The following PGR variants were observed in gnomAD, a reference collection of about 807,000 sequenced individuals.
PGR encodes nuclear receptor subfamily 3 group C member 3.
A neutral mutation model predicts 76.1 loss-of-function variants in PGR; 25 were observed. The ratio of observed to expected loss-of-function variants is 0.33; its 90% CI spans 0.24 to 0.46. The LOEUF (loss-of-function observed/expected upper bound fraction) is 0.46. Among genes scored for constraint, PGR ranks in the 20% least tolerant of loss-of-function variants. PGR has a pLI of 1.00. For missense variants in PGR, 1,172 were observed against 1,225.3 expected (o/e 0.96, Z 0.65); for synonymous variants, 579 against 535.0 (o/e 1.08, Z -1.14).
chr11:101,066,850 A>T (rs968489051), intron 3 of PGR, among the ~76,000 whole-genome samples: 1 of 152,146 alleles, frequency 6.6e-6, no homozygotes, highest in Non-Finnish European at 1.5e-5. Context: ...CACTGCTTGC[A>T]CCATAATTTA....
chr11:101,108,812 C>T (rs1020009425), intron 2 of PGR, among the ~76,000 whole-genome samples: 3 of 152,164 alleles, frequency 2.0e-5, no homozygotes, highest in Non-Finnish European at 4.4e-5. Context: ...TATCTTATTG[C>T]GCTTTGCTTA....
At chr11:101,098,560 C>T (rs1189634880) in intron 2 of PGR, among the ~76,000 whole-genome samples, 1 of 152,028 alleles carries the variant, frequency 6.6e-6, no homozygotes, top group Non-Finnish European at 1.5e-5. Flanking sequence ...AAGCATGTTG[C>T]TTAATTTCAG....
intron 4 of PGR, among the ~76,000 whole-genome samples, chr11:101,060,011 C>T (rs752374152): frequency 6.6e-6 from 1 of 152,004 alleles, no homozygotes; most frequent in Non-Finnish European, 1.5e-5. Flanking sequence ...TCTTAGGGCA[C>T]CTGCAAATAT....
intron 3 of PGR, among the ~76,000 whole-genome samples, chr11:101,064,248 T>C (rs1304873792): frequency 7.0e-6 from 1 of 142,008 alleles, no homozygotes; most frequent in South Asian, 2.2e-4. Flanking sequence ...GGAAAATCAC[T>C]TGAACCCAGG....
rs1466300814 is a variant in PGR at position 101,032,477 on chromosome 11, G to A, written c.*6639C>T. 8.6e-6 allele frequency: 2 copies of A among 232,616 alleles called. No homozygotes were observed. The highest frequency in any genetic ancestry group is 2.2e-5 in the African/African-American group (1 of 45,262). The allele number at this position is 232,616 out of a possible 1,614,324, so 14.4% of individuals were successfully genotyped here. A position where few individuals can be genotyped will look rare whatever the true frequency, so the allele number is the denominator to read the frequency against. ...TATCTAGACCTGGCTTTCTTCTTCAGTCTCATCATCCATCCCCACCCCACA... is the reference window on the plus strand; with the variant it reads ...TATCTAGACCTGGCTTTCTTCTTCAATCTCATCATCCATCCCCACCCCACA... On this transcript the variant is annotated 3_prime_UTR_variant, in exon 8 of 8. Coordinates refer to ENST00000325455, the MANE Select transcript of PGR (RefSeq NM_000926.4).
At chr11:101,118,746 G>C (rs1234263643) in intron 2 of PGR, among the ~76,000 whole-genome samples, 1 of 152,152 alleles carries the variant, frequency 6.6e-6, no homozygotes, top group Non-Finnish European at 1.5e-5. Flanking sequence ...AAAATGTCTT[G>C]ATGATAGATT....
intron 3 of PGR, among the ~76,000 whole-genome samples, chr11:101,066,879 T>G (rs916987078): frequency 6.6e-6 from 1 of 152,198 alleles, no homozygotes; most frequent in African/African-American, 2.4e-5. Flanking sequence ...CAATCACAGT[T>G]GGACTATTGT....
intron 4 of PGR, among the ~76,000 whole-genome samples, chr11:101,056,881 G>A (rs985470372): frequency 7.2e-5 from 11 of 152,174 alleles, no homozygotes; most frequent in Admixed American, 7.2e-4. Context: ...ATATGATTAA[G>A]TATAATCACC....
At chr11:101,100,166 A>G (rs1591413770) in intron 2 of PGR, among the ~76,000 whole-genome samples, 2 of 152,120 alleles carry the variant, frequency 1.3e-5, no homozygotes, top group African/African-American at 4.8e-5. Context: ...GTGGGAGGTA[A>G]TTGAATCATG....
At chr11:101,106,020 C>T (rs938676188) in intron 2 of PGR, among the ~76,000 whole-genome samples, 1 of 152,122 alleles carries the variant, frequency 6.6e-6, no homozygotes, top group Non-Finnish European at 1.5e-5. Context: ...AACTGGCTAG[C>T]CATAAGCAGA....
rs1475516891 is a variant in PGR at position 101,038,756 on chromosome 11, T to A, written c.*360A>T. 3.9e-6 allele frequency: 1 copy of A among 253,180 alleles called. No homozygotes were observed. The highest frequency in any genetic ancestry group is 2.2e-5 in the African/African-American group (1 of 45,404). The allele number at this position is 253,180 out of a possible 1,614,324, so 15.7% of individuals were successfully genotyped here. A position where few individuals can be genotyped will look rare whatever the true frequency, so the allele number is the denominator to read the frequency against. On this transcript the variant is annotated 3_prime_UTR_variant, in exon 8 of 8. Coordinates refer to ENST00000325455, the MANE Select transcript of PGR (RefSeq NM_000926.4). ...GAAATAACATATAATAGCTTTGTGTTATTACATGTAAGATTTTTTCTCTTA... is the reference window on the plus strand; with the variant it reads ...GAAATAACATATAATAGCTTTGTGTAATTACATGTAAGATTTTTTCTCTTA...
At position 101,128,071 on chromosome 11, in the gene PGR, C is replaced by A; in HGVS notation, c.1000G>T (p.Gly334Trp). 1.2e-6 allele frequency: 2 copies of A among 1,600,552 alleles called. No homozygotes were observed. The highest frequency in any genetic ancestry group is 1.1e-5 in the South Asian group (1 of 91,070). Residue 334 changes from glycine to tryptophan, a missense_variant, in exon 1 of 8, where the codon GGG becomes TGG. Around this residue, in one of 4 missense-constraint regions of PGR, gnomAD observed 893 missense variants for 785.9 expected, o/e 1.14. Transcript: ENST00000325455. ...GGCGGGGCAAAGGCGCTGGCAGCCC[C>A]GGCCCCGCCGTCGTAACTTTCGTCT... is the stretch of plus-strand genomic sequence containing the variant. ...LEDESYDGGA[G>W]AASAFAPPRS...
rs910621213 is a variant in PGR at position 101,129,629 on chromosome 11, C to T, written c.-559G>A. The T allele has an allele frequency of 4.9e-5, 9 of 182,442 alleles. No individual in the cohort carries two copies. The highest frequency in any genetic ancestry group is 1.6e-4 in the African/African-American group (7 of 42,476). The allele number at this position is 182,442 out of a possible 1,614,324, so 11.3% of individuals were successfully genotyped here. ...CCCATTCCCAGGAAGGGTCGGACTT[C>T]TGCTGGCTCCGTACTGCGGGCGACA... On this transcript the variant is annotated 5_prime_UTR_variant, in exon 1 of 8. Transcript: ENST00000325455.
Position 101,030,568 on chromosome 11 carries a change from G to T in PGR, c.*8548C>A, listed in dbSNP as rs751229996. 5.8e-5 allele frequency: 13 copies of T among 224,140 alleles called. No homozygotes were observed. Among genetic ancestry groups the T allele is most frequent in the Non-Finnish European group, 1.2e-4 (13 of 112,432 alleles). 13.9% of individuals were successfully genotyped at this position (224,140 alleles called of 1,614,324 possible). A position where few individuals can be genotyped will look rare whatever the true frequency, so the allele number is the denominator to read the frequency against. On this transcript the variant is annotated 3_prime_UTR_variant, in exon 8 of 8. Coordinates refer to ENST00000325455, the MANE Select transcript of PGR (RefSeq NM_000926.4). ...ATTAATCTTTGTGTTTTTCTCTTTG[G>T]CACTGGACCTTTCTCCTGGTCAGTT...
intron 2 of PGR, among the ~76,000 whole-genome samples, chr11:101,110,770 G>A (rs1862320875): frequency 6.6e-6 from 1 of 152,096 alleles, no homozygotes; most frequent in African/African-American, 2.4e-5. Flanking sequence ...TTTGTGAAAG[G>A]AACAGTCTAT....
rs35109976 is a variant in PGR, at chr11:101,093,233, G to C, written c.1790-1357C>G. ...GGTAACTGTGAAGCCTCATATCTTT[G>C]CTGACTTTTGTGCACATAGTGCCAG... On this transcript the variant is annotated intron_variant, in intron 2 of 7. Coordinates refer to ENST00000325455, the MANE Select transcript of PGR (RefSeq NM_000926.4). Among the ~76,000 whole-genome samples the C allele has an allele frequency of 7.0e-3, 1,060 of 152,146 alleles. 10 individuals carry two copies. The highest frequency in any genetic ancestry group is 0.023 in the African/African-American group (963 of 41,506).
At chr11:101,097,341 C>G (rs1334284816) in intron 2 of PGR, among the ~76,000 whole-genome samples, 1 of 152,324 alleles carries the variant, frequency 6.6e-6, no homozygotes, top group Non-Finnish European at 1.5e-5. Flanking sequence ...CTTGGCTTAA[C>G]TGCTCCCCTC....
intron 2 of PGR, among the ~76,000 whole-genome samples, chr11:101,097,808 G>A (rs1052525747): frequency 3.6e-5 from 5 of 139,032 alleles, no homozygotes; most frequent in Admixed American, 7.8e-5. Flanking sequence ...GCGGAGTCTC[G>A]CTCCGTCGCT....
At chr11:101,041,905 A>T (rs921290944) in intron 7 of PGR, 40 bp downstream of exon 7, 25 of 1,549,848 alleles carry the variant, frequency 1.6e-5, no homozygotes, top group Non-Finnish European at 2.1e-5. Flanking sequence ...AGAAATTCAG[A>T]GAATAATCAT....
Sources: allele counts gnomAD v4.1 joint callset (sites outside exome capture counted in the v4.1 genomes callset), GRCh38; gene constraint gnomAD v4.1.1; regional missense constraint gnomAD v4.1.1; transcripts MANE v1.5; gene names NCBI Gene and HGNC (gene_info 2026-07-23, HGNC 2026-07-21).